MATN2: variants seen among roughly 807,000 people sequenced by gnomAD.
MATN2 encodes the protein matrilin 2.
Under a neutral mutation model 103.2 loss-of-function variants are expected in MATN2, and 69 were observed. The ratio of observed to expected loss-of-function variants is 0.67; its 90% confidence interval spans 0.55 to 0.82. The LOEUF (loss-of-function observed/expected upper bound fraction) is 0.82. Ranked by LOEUF, MATN2 falls within the 40% of genes least tolerant of loss-of-function variation. MATN2 has a pLI of 0.00. For missense variants in MATN2, 1,023 were observed against 1,211.5 expected (o/e 0.84, Z 2.31); for synonymous variants, 429 against 450.2 (o/e 0.95, Z 0.60).
intron 10 of MATN2, among the ~76,000 whole-genome samples, chr8:98,015,656 C>T (rs1285483468): frequency 6.6e-6 from 1 of 152,242 alleles, no homozygotes; most frequent in Admixed American, 6.5e-5. Context: ...TCCCTACTCT[C>T]CAGCCCAGTA....
At chr8:97,935,158 A>G (rs1283285648) in intron 3 of MATN2, among the ~76,000 whole-genome samples, 1 of 152,050 alleles carries the variant, frequency 6.6e-6, no homozygotes. Flanking sequence ...TCCTGGGCTC[A>G]AGCAACCCTC....
At chr8:97,890,175 T>C (rs1271918933) in intron 2 of MATN2, among the ~76,000 whole-genome samples, 4 of 151,670 alleles carry the variant, frequency 2.6e-5, no homozygotes, top group Non-Finnish European at 4.4e-5. Context: ...CTTATGAAAA[T>C]GGTGGAGTGG....
chr8:98,007,665 T>C lies in MATN2; in HGVS notation c.1573+64T>C. On this transcript the variant is annotated intron_variant, in intron 10 of 18. Coordinates refer to ENST00000254898, the MANE Select transcript of MATN2 (RefSeq NM_002380.5). This position sits in a 1 kb window ranked among gnomAD's most constrained non-coding sequence, Gnocchi z 4.2. ...TCCGTGGGTGCCGGTGTGGGTGCGC[T>C]GCCGACGTGTATATGTGCCTGTGTG... is the stretch of plus-strand genomic sequence containing the variant. The C allele has an allele frequency of 3.9e-6, 6 of 1,557,148 alleles. No homozygotes were observed. The South Asian group carries it at 7.0e-5, about 18-fold the overall frequency.
chr8:97,931,423 A>G lies in MATN2; in HGVS notation c.613A>G (p.Lys205Glu). 1 of 1,613,784 alleles carries G rather than the reference A, an allele frequency of 6.2e-7. No homozygotes were observed. Among genetic ancestry groups the G allele is most frequent in the Non-Finnish European group, 8.5e-7 (1 of 1,179,872 alleles). Residue 205 changes from lysine (K) to glutamate (E), a missense_variant, in exon 3 of 19, where the codon AAG becomes GAG. Physicochemically the swap from Lys to Glu is moderately conservative, Grantham distance 56. Coordinates refer to ENST00000254898, the MANE Select transcript of MATN2 (RefSeq NM_002380.5). The surrounding 1 kb of genome is among the most constrained non-coding windows in gnomAD (Gnocchi z 4.1). ...GVGQVDFNTL[K>E]SIGSEPHEDH... ...GGGCCAGGTAGACTTCAACACCTTG[A>G]AGTCCATTGGGAGTGAGCCCCATGA...
At chr8:97,873,515 A>G (rs540856644) in intron 1 of MATN2, among the ~76,000 whole-genome samples, 2 of 152,208 alleles carry the variant, frequency 1.3e-5, no homozygotes, top group East Asian at 1.9e-4. Flanking sequence ...TATGTTTAGT[A>G]GAGACAGGGT....
chr8:97,989,007 T>C (rs1812296007), intron 6 of MATN2, among the ~76,000 whole-genome samples: 1 of 152,220 alleles, frequency 6.6e-6, no homozygotes, highest in Admixed American at 6.5e-5. Flanking sequence ...CCAAGTGGGA[T>C]TTATTCCAGG....
chr8:97,911,427 G>A (rs933556794), intron 2 of MATN2, among the ~76,000 whole-genome samples: 1 of 152,040 alleles, frequency 6.6e-6, no homozygotes, highest in East Asian at 1.9e-4. Context: ...TAAAGTTATG[G>A]TCCGGGTGCC....
chr8:97,990,758 C>T (rs1812365353), intron 6 of MATN2, among the ~76,000 whole-genome samples: 1 of 151,972 alleles, frequency 6.6e-6, no homozygotes, highest in Non-Finnish European at 1.5e-5. Flanking sequence ...ATTTAAAGTT[C>T]CTTGGGGAGA....
chr8:97,870,278 G>A (rs1817847886), intron 1 of MATN2, among the ~76,000 whole-genome samples: 3 of 152,160 alleles, frequency 2.0e-5, no homozygotes, highest in South Asian at 2.1e-4. Flanking sequence ...CAGCACTTTG[G>A]GAAGCCGGGG....
chr8:97,919,709 G>A (rs1033609333), intron 2 of MATN2, among the ~76,000 whole-genome samples: 1 of 150,872 alleles, frequency 6.6e-6, no homozygotes, highest in African/African-American at 2.4e-5. Flanking sequence ...GGAAGCTCAT[G>A]TACACACCAA....
chr8:98,020,335 A>G (rs1425544597), intron 12 of MATN2, among the ~76,000 whole-genome samples: 3 of 152,166 alleles, frequency 2.0e-5, no homozygotes, highest in South Asian at 4.1e-4. Context: ...TTGTAGAGAC[A>G]TGGTTTCACC....
intron 2 of MATN2, among the ~76,000 whole-genome samples, chr8:97,900,327 A>T (rs1176322098): frequency 6.6e-6 from 1 of 152,218 alleles, no homozygotes; most frequent in Non-Finnish European, 1.5e-5. Context: ...CACAGGCAGG[A>T]TCTTTGGGAG....
chr8:97,980,192 G>T (rs1342607121), intron 6 of MATN2, among the ~76,000 whole-genome samples: 3 of 152,226 alleles, frequency 2.0e-5, no homozygotes, highest in Non-Finnish European at 4.4e-5. Flanking sequence ...ACCAAGCAGA[G>T]AACTGTAGTC....
At chr8:97,893,310 T>A (rs1818695156) in intron 2 of MATN2, among the ~76,000 whole-genome samples, 1 of 152,174 alleles carries the variant, frequency 6.6e-6, no homozygotes, top group Non-Finnish European at 1.5e-5. Context: ...GGACTTGGAT[T>A]CTTCCCCTTG....
At chr8:98,006,370 C>T (rs1812970342) in intron 8 of MATN2, among the ~76,000 whole-genome samples, 1 of 152,188 alleles carries the variant, frequency 6.6e-6, no homozygotes, top group Non-Finnish European at 1.5e-5. Context: ...TAAGTGGTTG[C>T]TGTATGCTAG....
Position 98,027,507 on chromosome 8 carries a change from C to T in MATN2, c.2034C>T (p.Val678=). 1 of 1,613,876 alleles carries T rather than the reference C, an allele frequency of 6.2e-7. No homozygotes were observed. The highest frequency in any genetic ancestry group is 1.1e-5 in the South Asian group (1 of 91,076). ...ATTTTGAGGTCGTGAAGCAGTTTGT[C>T]ACTGGAATTATAGATTCCTTGACAA... ...EENFEVVKQF[V]TGIIDSLTIS... is the part of the protein sequence containing the mutation. The change falls in exon 14 of 19, where the codon GTC becomes GTT. Residue 678 remains valine, a synonymous_variant. Transcript: ENST00000254898.
chr8:97,954,036 C>G (rs1366626231), intron 4 of MATN2, among the ~76,000 whole-genome samples: 1 of 152,162 alleles, frequency 6.6e-6, no homozygotes. Flanking sequence ...TAGATTATCT[C>G]ACTCAACCCT....
intron 7 of MATN2, among the ~76,000 whole-genome samples, chr8:97,995,178 C>T (rs1812540885): frequency 6.6e-6 from 1 of 152,204 alleles, no homozygotes. Flanking sequence ...GCACAGGCCC[C>T]AGAGGGCACC....
At chr8:97,874,674 C>T (rs1434487912) in intron 1 of MATN2, among the ~76,000 whole-genome samples, 1 of 151,790 alleles carries the variant, frequency 6.6e-6, no homozygotes, top group African/African-American at 2.4e-5. Flanking sequence ...CTTGGTTTCC[C>T]AAAGTGCTGG....
Sources: gnomAD v4.1 joint callset for allele counts (sites outside exome capture counted in the v4.1 genomes callset) on GRCh38, gnomAD v4.1.1 for gene constraint, Gnocchi (gnomAD v3.1) non-coding constraint, MANE v1.5 for transcripts, NCBI Gene and HGNC (gene_info 2026-07-23, HGNC 2026-07-21) for gene names.